Variants in TAFA5 observed in about 807,000 individuals in gnomAD.
TAFA5 encodes the protein TAFA chemokine like family member 5.
TAFA5 carries 6 observed loss-of-function variants against 15.3 expected under a neutral mutation model. The observed-to-expected ratio is 0.39, with a 90% CI of 0.21 to 0.77. The LOEUF is 0.77. Among genes scored for constraint, TAFA5 ranks in the 30% least tolerant of loss-of-function variants. The pLI, the probability that TAFA5 is intolerant of heterozygous loss-of-function variation, is 0.41. For synonymous variants in TAFA5, 103 were observed against 80.7 expected, an observed-to-expected ratio of 1.28 and a Z score of -1.48; for missense variants, 161 against 193.1, an observed-to-expected ratio of 0.83 and a Z score of 0.98.
chr22:48,535,301 A>C (rs1922116806), intron 1 of TAFA5, among the ~76,000 whole-genome samples: 1 of 152,188 alleles, frequency 6.6e-6, no homozygotes, highest in South Asian at 2.1e-4. Flanking sequence ...TGACCTGCAC[A>C]TGAGTGTGCA....
intron 1 of TAFA5, among the ~76,000 whole-genome samples, chr22:48,596,452 G>A (rs1248206052): frequency 1.3e-5 from 2 of 152,234 alleles, no homozygotes; most frequent in African/African-American, 2.4e-5. Flanking sequence ...AAGGTTGAGA[G>A]TGTGGTTTTA....
At position 48,744,923 on chromosome 22, in the gene TAFA5, C is replaced by CTAATT. The variant is rs1569103035; in HGVS notation, c.391-4915_391-4914insAATTT. ...TACAGACATGCACCACCATGGCCTG[C>CTAATT]TTTTGTACTTTTAGTAGAGACGGGG... is the stretch of plus-strand genomic sequence containing the variant. On this transcript the variant is annotated intron_variant, in intron 3 of 3. Transcript: ENST00000402357. Among the ~76,000 whole-genome samples the CTAATT allele has an allele frequency of 1.6e-3, 248 of 151,760 alleles. 1 individual carries two copies. The highest frequency in any genetic ancestry group is 5.8e-3 in the African/African-American group (237 of 41,134).
At chr22:48,643,486 C>T (rs1455639544) in intron 1 of TAFA5, among the ~76,000 whole-genome samples, 1 of 152,190 alleles carries the variant, frequency 6.6e-6, no homozygotes, top group Admixed American at 6.5e-5. Context: ...CTCCAGTGTG[C>T]ACTTTGGTGT....
At chr22:48,514,035 G>A (rs1037957815) in intron 1 of TAFA5, among the ~76,000 whole-genome samples, 6 of 152,092 alleles carry the variant, frequency 3.9e-5, no homozygotes, top group Non-Finnish European at 7.4e-5. Context: ...TCTCGGGGGT[G>A]TAGACTCCCC....
intron 1 of TAFA5, among the ~76,000 whole-genome samples, chr22:48,520,835 C>A (rs888298657): frequency 1.1e-4 from 16 of 152,124 alleles, no homozygotes; most frequent in African/African-American, 3.6e-4. Flanking sequence ...GGGAAAAGCC[C>A]ACTGTCTTTC....
At chr22:48,540,811 T>G (rs1018345850) in intron 1 of TAFA5, among the ~76,000 whole-genome samples, 1 of 151,942 alleles carries the variant, frequency 6.6e-6, no homozygotes, top group East Asian at 1.9e-4. Flanking sequence ...AGGAAGATTT[T>G]TGTGGCACTC....
intron 1 of TAFA5, among the ~76,000 whole-genome samples, chr22:48,621,176 T>C (rs1164212936): frequency 7.9e-5 from 1 of 12,666 alleles, no homozygotes; most frequent in Non-Finnish European, 1.4e-4. Context: ...CCACCCACAC[T>C]ATCCACCCCC....
chr22:48,627,767 G>T (rs1355202328), intron 1 of TAFA5, among the ~76,000 whole-genome samples: 2 of 152,242 alleles, frequency 1.3e-5, no homozygotes, highest in Non-Finnish European at 2.9e-5. Flanking sequence ...TGTGGAGGCT[G>T]CAGGGAGTAA....
rs944356862 is a variant in TAFA5, at chr22:48,750,124, G to A, written c.*277G>A. The A allele has an allele frequency of 3.4e-5, 17 of 500,724 alleles. No homozygotes were observed. The highest frequency in any genetic ancestry group is 1.4e-4 in the South Asian group (6 of 41,674). 31.0% of individuals were successfully genotyped at this position (500,724 alleles called of 1,614,324 possible). The stretch of plus-strand genomic sequence containing the variant: ...GGGAGCCCGGCCGCGCCCAGCCCCC[G>A]CCGACCGTGGCGTTGGCCCTGCTGT... On this transcript the variant is annotated 3_prime_UTR_variant, in exon 4 of 4. Transcript: ENST00000402357.
At chr22:48,676,374 ATGCCTCTT>A in intron 2 of TAFA5, among the ~76,000 whole-genome samples, 1 of 152,182 alleles carries the variant, frequency 6.6e-6, no homozygotes, top group Admixed American at 6.5e-5. Flanking sequence ...GCCAGCAGAC[ATGCCTCTT>A]AGGGTGTGGG....
chr22:48,526,403 C>T (rs1232011346), intron 1 of TAFA5, among the ~76,000 whole-genome samples: 1 of 152,214 alleles, frequency 6.6e-6, no homozygotes, highest in Non-Finnish European at 1.5e-5. Flanking sequence ...GCAGGTGCCC[C>T]AGTCAAGTCT....
intron 1 of TAFA5, among the ~76,000 whole-genome samples, chr22:48,556,805 G>A (rs1462775205): frequency 6.6e-6 from 1 of 152,162 alleles, no homozygotes. Context: ...CTTGCTCAGG[G>A]CCCAACCTCC....
rs374445596 is a variant in TAFA5 at position 48,517,922 on chromosome 22, T to C, written c.112+28218T>C. On this transcript the variant is annotated intron_variant, in intron 1 of 3. Coordinates refer to ENST00000402357, the MANE Select transcript of TAFA5 (RefSeq NM_001082967.3). Reference sequence around the variant, plus strand: ...GCCCAGTGGCGCTCACATGTGACGGTGCGGGGGCAGCCTCGTGAAAAGCCC... The same window carrying C: ...GCCCAGTGGCGCTCACATGTGACGGCGCGGGGGCAGCCTCGTGAAAAGCCC... Among the ~76,000 whole-genome samples, 7 of 152,304 alleles carry C rather than the reference T, an allele frequency of 4.6e-5. 1 individual carries two copies. Among genetic ancestry groups the C allele is most frequent in the Admixed American group, 6.5e-5 (1 of 15,312 alleles).
chr22:48,657,666 C>T (rs977171446), intron 2 of TAFA5, among the ~76,000 whole-genome samples: 3 of 152,228 alleles, frequency 2.0e-5, no homozygotes, highest in Non-Finnish European at 4.4e-5. Flanking sequence ...GTCTCTCCTG[C>T]AGCACCACCG....
At chr22:48,594,457 G>A (rs1601602664) in intron 1 of TAFA5, among the ~76,000 whole-genome samples, 1 of 152,230 alleles carries the variant, frequency 6.6e-6, no homozygotes, top group African/African-American at 2.4e-5. Context: ...CTACGCCCAC[G>A]GGGATGGGAA....
At chr22:48,675,003 G>A (rs570945328) in intron 2 of TAFA5, among the ~76,000 whole-genome samples, 90 of 151,476 alleles carry the variant, frequency 5.9e-4, no homozygotes, top group Middle Eastern at 3.4e-3. Flanking sequence ...GTGCAGTGGC[G>A]CGATCTCGGC....
chr22:48,559,710 A>AG (rs1923159628), intron 1 of TAFA5, among the ~76,000 whole-genome samples: 1 of 152,008 alleles, frequency 6.6e-6, no homozygotes, highest in African/African-American at 2.4e-5. Context: ...GAAGCCAGGA[A>AG]GGGGCGTGTG....
chr22:48,633,964 C>T (rs1926341199), intron 1 of TAFA5, among the ~76,000 whole-genome samples: 1 of 152,200 alleles, frequency 6.6e-6, no homozygotes, highest in South Asian at 2.1e-4. Flanking sequence ...CCACGCTTTC[C>T]AGGGGGCAGC....
chr22:48,552,777 C>T lies in TAFA5; in HGVS notation c.112+63073C>T, dbSNP rs1021278303. Among the ~76,000 whole-genome samples, 5 of 152,090 alleles carry T rather than the reference C, an allele frequency of 3.3e-5. No individual in the cohort carries two copies. Among genetic ancestry groups the T allele is most frequent in the Non-Finnish European group, 7.4e-5 (5 of 68,010 alleles). On this transcript the variant is annotated intron_variant, in intron 1 of 3. Coordinates refer to ENST00000402357, the MANE Select transcript of TAFA5 (RefSeq NM_001082967.3). This position sits in a 1 kb window ranked among gnomAD's most constrained non-coding sequence, Gnocchi z 4.1. The stretch of plus-strand genomic sequence containing the variant: ...ATCCTCCGAGGGGCCCGGCCAGGCT[C>T]CCAGGGAAGAGGAGGGGCAGCTGGG...
Sources: allele counts gnomAD v4.1 joint callset (sites outside exome capture counted in the v4.1 genomes callset), GRCh38; gene constraint gnomAD v4.1.1; non-coding constraint Gnocchi (gnomAD v3.1); transcripts MANE v1.5; gene names NCBI Gene and HGNC (gene_info 2026-07-23, HGNC 2026-07-21).